COL9A3: variants seen among roughly 807,000 people sequenced by gnomAD.
COL9A3 encodes the protein collagen type IX alpha 3 chain, also known as collagen alpha-3(IX) chain.
COL9A3 carries 82 observed loss-of-function variants against 110.2 expected under a neutral mutation model. The ratio of observed to expected loss-of-function variants is 0.74; its 90% CI spans 0.62 to 0.89. The LOEUF (loss-of-function observed/expected upper bound fraction) is 0.89, where lower values mean the gene tolerates loss of function less well. COL9A3 is among the 40% of genes least tolerant of loss of function. COL9A3 has a pLI of 0.00. For synonymous variants in COL9A3, 494 were observed against 403.8 expected (o/e 1.22, Z -2.68); for missense variants, 1,066 against 981.3 (o/e 1.09, Z -1.15).
chr20:62,826,397 A>G (rs2063552817), intron 14 of COL9A3, 140 bp downstream of exon 14: 4 of 836,556 alleles, frequency 4.8e-6, no homozygotes, highest in Non-Finnish European at 7.5e-6. Context: ...ACTGTGGCGC[A>G]GGCCTTGCTC....
intron 28 of COL9A3, 57 bp downstream of exon 28, chr20:62,836,390 G>T (rs1030354824): frequency 6.2e-7 from 1 of 1,614,004 alleles, no homozygotes; most frequent in South Asian, 1.1e-5. Context: ...TGTTTTTTCC[G>T]GAAGGAAGTT....
At chr20:62,834,095 A>G (rs1275357215) in intron 26 of COL9A3, among the ~76,000 whole-genome samples, 1 of 151,950 alleles carries the variant, frequency 6.6e-6, no homozygotes, top group Non-Finnish European at 1.5e-5. Flanking sequence ...GCTGGTCTCG[A>G]ATTCCCGACC....
chr20:62,817,782 G>C, intron 2 of COL9A3, 147 bp downstream of exon 2: 1 of 650,390 alleles, frequency 1.5e-6, no homozygotes, highest in East Asian at 2.8e-5. Flanking sequence ...GTGCCTTCAC[G>C]GGATGGGGGT....
rs146395608 is a variant in COL9A3 at position 62,834,796 on chromosome 20, T to C, written c.1369-1125T>C. On this transcript the variant is annotated intron_variant, in intron 26 of 31. Coordinates refer to ENST00000649368, the MANE Select transcript of COL9A3 (RefSeq NM_001853.4). Reference sequence around the variant, plus strand: ...TAGCTGGGACTACAGGTGCCCACCATCACACCCGGCTAATTTTTGTATTTA... The same window carrying C: ...TAGCTGGGACTACAGGTGCCCACCACCACACCCGGCTAATTTTTGTATTTA... 8.2e-3 allele frequency among the ~76,000 whole-genome samples: 1,251 copies of C among 152,186 alleles called. 20 individuals are homozygous for C. Among genetic ancestry groups the C allele is most frequent in the African/African-American group, 0.028 (1,142 of 41,522 alleles).
At chr20:62,817,904 C>G in intron 2 of COL9A3, 1 of 588,988 alleles carries the variant, frequency 1.7e-6, no homozygotes, top group Non-Finnish European at 3.2e-6. Flanking sequence ...GGGCCCGTGC[C>G]CCTGTGTTCG....
chr20:62,834,629 T>C (rs1280769938), intron 26 of COL9A3, among the ~76,000 whole-genome samples: 1 of 151,734 alleles, frequency 6.6e-6, no homozygotes, highest in Non-Finnish European at 1.5e-5. Flanking sequence ...TTGTATGTGT[T>C]TCATTTAGTG....
In COL9A3 at chr20:62,837,172, C is replaced by T. The variant is rs754748822; in HGVS notation, c.1693C>T (p.Pro565Ser). The change falls in exon 30 of 32, where the codon CCA (proline) becomes TCA (serine). Residue 565 changes from proline (P) to serine (S), a missense_variant. Physicochemically the swap from Pro to Ser is moderately conservative, Grantham distance 74 (BLOSUM62 -1). Transcript: ENST00000649368. ...CGGTCCAGCTGGCCCCCCTGGGCCC[C>T]CAGGACCCCCAGGCTCCATTGGTCA... ...RPGPAGPPGP[P>S]GPPGSIGHPG... 32 of 1,612,238 alleles carry T rather than the reference C, an allele frequency of 2.0e-5. 1 individual carries two copies. Among genetic ancestry groups the T allele is most frequent in the South Asian group, 6.6e-5 (6 of 91,010 alleles).
At chr20:62,840,308 G>A (rs1020833944) in intron 31 of COL9A3, among the ~76,000 whole-genome samples, 6 of 151,870 alleles carry the variant, frequency 4.0e-5, no homozygotes, top group Admixed American at 6.5e-5. Context: ...TCCTCAGGAC[G>A]GCTCTGCACC....
intron 3 of COL9A3, 25 bp downstream of exon 3, chr20:62,818,578 A>C (rs773772804): frequency 6.2e-7 from 1 of 1,609,714 alleles, no homozygotes; most frequent in South Asian, 1.1e-5. Flanking sequence ...CTGGGGAGAC[A>C]GCCTTTTTCC....
chr20:62,830,276 G>C lies in COL9A3; in HGVS notation c.1162-84G>C, dbSNP rs1007027020. The C allele has an allele frequency of 2.0e-6, 3 of 1,475,926 alleles. No individual in the cohort carries two copies. In the African/African-American group the frequency reaches 4.2e-5, roughly 21 times the overall value. 91.4% of individuals were successfully genotyped at this position (1,475,926 alleles called of 1,614,324 possible). On this transcript the variant is annotated intron_variant, in intron 22 of 31. Transcript: ENST00000649368. ...GCTCCTGTGTCCACCCACTCTGGGG[G>C]AAGGCTGAGCCAGGCTCCCTGGGGC...
intron 31 of COL9A3, 146 bp downstream of exon 31, chr20:62,838,907 C>G (rs141765699): frequency 1.3e-6 from 1 of 768,854 alleles, no homozygotes; most frequent in African/African-American, 1.7e-5. Flanking sequence ...TAGGAATTGT[C>G]TCAATAACCA....
intron 26 of COL9A3, 99 bp from the exon 27 acceptor site, chr20:62,835,822 C>T (rs1017351913): frequency 4.3e-6 from 5 of 1,170,280 alleles, no homozygotes; most frequent in Non-Finnish European, 6.4e-6. Flanking sequence ...AGTCTAATAG[C>T]AGGTGTGTGG....
intron 25 of COL9A3, chr20:62,832,810 G>GGTTCTGCTTGGCAGAAAAGCCTCAT: frequency 1.9e-6 from 1 of 530,618 alleles, no homozygotes; most frequent in East Asian, 3.1e-5. Context: ...GCAAACAAAT[G>GGTTCTGCTTGGCAGAAAAGCCTCAT]TCTTCCGTTT....
chr20:62,819,327 C>G lies in COL9A3; in HGVS notation c.255+34C>G, dbSNP rs537873114. The G allele has an allele frequency of 1.6e-4, 258 of 1,587,590 alleles. 1 individual carries two copies. The South Asian group carries it at 2.8e-3, about 17-fold the overall frequency. On this transcript the variant is annotated intron_variant, in intron 4 of 31. Coordinates refer to ENST00000649368, the MANE Select transcript of COL9A3 (RefSeq NM_001853.4). ...GCCTGCCCCTCCCCGCCATGCCCCA[C>G]TCCCCGCTCCGGGTCCCTGGAGGAG... is the stretch of plus-strand genomic sequence containing the variant.
At position 62,825,047 on chromosome 20, in the gene COL9A3, G is replaced by A; in HGVS notation, c.630+26G>A. 1.9e-6 allele frequency: 3 copies of A among 1,600,100 alleles called. No individual in the cohort carries two copies. The Admixed American group carries it at 5.1e-5, about 27-fold the overall frequency. On this transcript the variant is annotated intron_variant, in intron 12 of 31. Transcript: ENST00000649368. Reference sequence around the variant, plus strand: ...GTGAAGCTGCCGCACAGCAGCTGGGGAGGAGCTGGGGACTGGAGGCTGGGC... The same window carrying A: ...GTGAAGCTGCCGCACAGCAGCTGGGAAGGAGCTGGGGACTGGAGGCTGGGC...
rs1279581207 is a variant in COL9A3 at position 62,825,188 on chromosome 20, TGGGCTCCG to T, written c.630+169_630+176del. Among the ~76,000 whole-genome samples the T allele has an allele frequency of 2.1e-3, 217 of 103,944 alleles. 7 individuals carry two copies. The highest frequency in any genetic ancestry group is 7.3e-3 in the African/African-American group (208 of 28,304). The allele number at this position is 103,944 out of a possible 152,430, so 68.2% of individuals were successfully genotyped here. A position where few individuals can be genotyped will look rare whatever the true frequency, so the allele number is the denominator to read the frequency against. Reference sequence around the variant, plus strand: ...CTGGGCTCCGGCGGGAGGGAGGGGCTGGGCTCCGGCGGTGGGGAGGGACCGTTTCATGG... The same window carrying T: ...CTGGGCTCCGGCGGGAGGGAGGGGCTGCGGTGGGGAGGGACCGTTTCATGG... On this transcript the variant is annotated intron_variant, in intron 12 of 31. Transcript: ENST00000649368.
At chr20:62,834,380 G>A (rs762147461) in intron 26 of COL9A3, among the ~76,000 whole-genome samples, 13 of 152,238 alleles carry the variant, frequency 8.5e-5, no homozygotes, top group African/African-American at 1.7e-4. Flanking sequence ...ATAAAATTAC[G>A]TTCTTGTTTG....
Position 62,817,642 on chromosome 20 carries a change from T to A in COL9A3, c.147+7T>A, listed in dbSNP as rs1370930705. 2.6e-6 allele frequency: 4 copies of A among 1,531,414 alleles called. No homozygotes were observed. Among genetic ancestry groups the A allele is most frequent in the Non-Finnish European group, 3.5e-6 (4 of 1,135,576 alleles). 94.9% of individuals were successfully genotyped at this position (1,531,414 alleles called of 1,614,324 possible). A position where few individuals can be genotyped will look rare whatever the true frequency, so the allele number is the denominator to read the frequency against. ...CGGCCAGGACGGCATTGACGTGAGT[T>A]TGGGGGTGGGGAGGGCCCCGAGCGC... On this transcript the variant is annotated splice_region_variant and intron_variant, in intron 2 of 31. Coordinates refer to ENST00000649368, the MANE Select transcript of COL9A3 (RefSeq NM_001853.4).
chr20:62,840,645 G>A lies in COL9A3; in HGVS notation c.1968G>A (p.Gln656=), dbSNP rs1568768967. The A allele has an allele frequency of 6.2e-7, 1 of 1,609,990 alleles. No individual in the cohort carries two copies. The highest frequency in any genetic ancestry group is 8.5e-7 in the Non-Finnish European group (1 of 1,178,570). ...GGCTTCCAGGTGCCATTGGGGCCCA[G>A]GGGACACCGGGGATCTGCGACACCT... ...DPGLPGAIGA[Q]GTPGICDTSA... The change falls in exon 32 of 32, where the codon CAG becomes CAA. Residue 656 remains glutamine (Q), a synonymous_variant. Transcript: ENST00000649368.
Sources: gnomAD v4.1 joint callset for allele counts (sites outside exome capture counted in the v4.1 genomes callset) on GRCh38, gnomAD v4.1.1 for gene constraint, MANE v1.5 for transcripts, NCBI Gene and HGNC (gene_info 2026-07-23, HGNC 2026-07-21) for gene names.